The following ANGPT1 variants were observed in gnomAD, a reference collection of about 807,000 sequenced individuals.
The protein encoded by ANGPT1 is angiopoietin 1.
ANGPT1 carries 17 observed loss-of-function variants against 62.2 expected under a neutral mutation model. The ratio of observed to expected loss-of-function variants is 0.27; its 90% CI spans 0.19 to 0.41. The LOEUF (loss-of-function observed/expected upper bound fraction) is 0.41, where lower values mean the gene tolerates loss of function less well. Ranked by LOEUF, ANGPT1 falls within the 10% of genes least tolerant of loss-of-function variation. The probability of loss-of-function intolerance (pLI) is 1.00; values close to 1 mark genes in which losing one functional copy is unlikely to be tolerated. For missense variants in ANGPT1, 478 were observed against 594.9 expected (o/e 0.80, Z 2.04); for synonymous variants, 199 against 198.9 (o/e 1.00, Z 0.00).
Position 107,464,837 on chromosome 8 carries a change from C to T in ANGPT1, c.297+32425G>A, listed in dbSNP as rs146058153. On this transcript the variant is annotated intron_variant, in intron 1 of 8. Coordinates refer to ENST00000517746, the MANE Select transcript of ANGPT1 (RefSeq NM_001146.5). ...GAAGAGTCAGACAGGAAATCAAGCA[C>T]AGTGTGGTAAGTGTGTTGATGGTGG... 3.7e-3 allele frequency among the ~76,000 whole-genome samples: 564 copies of T among 152,044 alleles called. 9 individuals are homozygous for T. The highest frequency in any genetic ancestry group is 0.013 in the African/African-American group (532 of 41,506).
chr8:107,293,885 G>T, intron 6 of ANGPT1, 51 bp downstream of exon 6: 1 of 1,444,836 alleles, frequency 6.9e-7, no homozygotes, highest in Non-Finnish European at 9.6e-7. Flanking sequence ...GTATGGAGAA[G>T]ATAACTTCAA....
intron 3 of ANGPT1, among the ~76,000 whole-genome samples, chr8:107,333,381 G>A (rs1201029805): frequency 6.6e-6 from 1 of 152,150 alleles, no homozygotes; most frequent in Admixed American, 6.5e-5. Flanking sequence ...AAAAGAAAGA[G>A]ATGTGGAATG....
intron 1 of ANGPT1, among the ~76,000 whole-genome samples, chr8:107,373,358 T>C (rs917528079): frequency 6.6e-6 from 1 of 152,072 alleles, no homozygotes; most frequent in Non-Finnish European, 1.5e-5. Flanking sequence ...TTTTTACCAA[T>C]GGGTTTCTAA....
At chr8:107,391,909 C>T (rs1167287297) in intron 1 of ANGPT1, among the ~76,000 whole-genome samples, 6 of 152,112 alleles carry the variant, frequency 3.9e-5, no homozygotes, top group Non-Finnish European at 7.3e-5. Flanking sequence ...ACCACAGCTA[C>T]AATATCACTA....
intron 7 of ANGPT1, among the ~76,000 whole-genome samples, chr8:107,277,380 TAC>T (rs1813891300): frequency 6.6e-6 from 1 of 152,186 alleles, no homozygotes; most frequent in African/African-American, 2.4e-5. Flanking sequence ...TTAAAAATAG[TAC>T]AGTGAAATTT....
intron 1 of ANGPT1, among the ~76,000 whole-genome samples, chr8:107,407,225 C>G (rs1262432877): frequency 6.6e-6 from 1 of 151,270 alleles, no homozygotes; most frequent in East Asian, 1.9e-4. Context: ...TAAAAACACT[C>G]TGATGGAGAG....
chr8:107,282,915 C>T (rs1026161785), intron 7 of ANGPT1, among the ~76,000 whole-genome samples: 19 of 152,018 alleles, frequency 1.2e-4, no homozygotes, highest in African/African-American at 4.3e-4. Flanking sequence ...CTCCGAAGTG[C>T]ACCACAGATG....
chr8:107,494,271 C>T (rs575833517), intron 1 of ANGPT1, among the ~76,000 whole-genome samples: 5 of 152,188 alleles, frequency 3.3e-5, no homozygotes, highest in Admixed American at 2.6e-4. Flanking sequence ...AACAATAGTT[C>T]ACAAAGTACA....
intron 2 of ANGPT1, among the ~76,000 whole-genome samples, chr8:107,341,664 C>T (rs1815698727): frequency 6.8e-6 from 1 of 148,112 alleles, no homozygotes. Context: ...ATAATATAAC[C>T]CTATATTATA....
intron 1 of ANGPT1, among the ~76,000 whole-genome samples, chr8:107,359,790 T>C (rs1344067824): frequency 6.6e-6 from 1 of 152,208 alleles, no homozygotes; most frequent in Non-Finnish European, 1.5e-5. Context: ...AACACTGAAC[T>C]GTTAATAGTG....
At position 107,315,000 on chromosome 8, in the gene ANGPT1, T is replaced by G. The variant is rs1487070216; in HGVS notation, c.808+6896A>C. 5.9e-5 allele frequency among the ~76,000 whole-genome samples: 9 copies of G among 152,236 alleles called. No individual in the cohort carries two copies. The East Asian group carries it at 1.7e-3, about 29-fold the overall frequency. ...AACAGACACAACATGGGAGGTAAAT[T>G]CCTTTCAGATGGTAGAATTATTCTG... On this transcript the variant is annotated intron_variant, in intron 4 of 8. Coordinates refer to ENST00000517746, the MANE Select transcript of ANGPT1 (RefSeq NM_001146.5).
chr8:107,457,841 CACACACACACACACACACACACACA>C (rs1811960222), intron 1 of ANGPT1, among the ~76,000 whole-genome samples: 7 of 148,562 alleles, frequency 4.7e-5, no homozygotes, highest in African/African-American at 1.5e-4. Context: ...CACACACACA[CACACACACACACACACACACACACA>C]CCAAGAGGGG....
intron 1 of ANGPT1, among the ~76,000 whole-genome samples, chr8:107,431,177 T>G (rs1811176627): frequency 6.6e-6 from 1 of 152,256 alleles, no homozygotes; most frequent in Non-Finnish European, 1.5e-5. Context: ...AGACAGTGTG[T>G]GTGTGTTTAG....
intron 3 of ANGPT1, among the ~76,000 whole-genome samples, chr8:107,325,713 G>A (rs1327207960): frequency 6.6e-6 from 1 of 152,092 alleles, no homozygotes; most frequent in African/African-American, 2.4e-5. Context: ...AAATGAAAAT[G>A]CAGAAGCTAA....
chr8:107,249,899 C>T lies in ANGPT1; in HGVS notation c.*1956G>A, dbSNP rs1458157685. 6.6e-6 allele frequency: 1 copy of T among 151,878 alleles called. No homozygotes were observed. Among genetic ancestry groups the T allele is most frequent in the Non-Finnish European group, 1.5e-5 (1 of 67,854 alleles). 9.4% of individuals were successfully genotyped at this position (151,878 alleles called of 1,614,324 possible). On this transcript the variant is annotated 3_prime_UTR_variant, in exon 9 of 9. Coordinates refer to ENST00000517746, the MANE Select transcript of ANGPT1 (RefSeq NM_001146.5). ...TCATTTTCTTTCCCTTAAATGAAAACAGTTGAGAAGTTTTTAGAAGGAGAG... is the reference window on the plus strand; with the variant it reads ...TCATTTTCTTTCCCTTAAATGAAAATAGTTGAGAAGTTTTTAGAAGGAGAG...
chr8:107,439,320 C>T (rs34398341), intron 1 of ANGPT1, among the ~76,000 whole-genome samples: 2,112 of 152,216 alleles, frequency 0.014, 34 homozygotes, highest in South Asian at 0.037. Context: ...ATCTGTAAAA[C>T]GGAGATAATA....
chr8:107,324,484 G>A (rs1308054201), intron 3 of ANGPT1, among the ~76,000 whole-genome samples: 1 of 152,108 alleles, frequency 6.6e-6, no homozygotes, highest in Non-Finnish European at 1.5e-5. Flanking sequence ...GAGAGGCCTG[G>A]AACCGAGTCT....
intron 1 of ANGPT1, among the ~76,000 whole-genome samples, chr8:107,409,685 A>G (rs1817222457): frequency 6.6e-6 from 1 of 151,214 alleles, no homozygotes; most frequent in Admixed American, 6.6e-5. Flanking sequence ...ATATATTTGC[A>G]TTTTAATTAT....
At chr8:107,469,757 CT>C (rs939334134) in intron 1 of ANGPT1, among the ~76,000 whole-genome samples, 2 of 151,962 alleles carry the variant, frequency 1.3e-5, no homozygotes. Flanking sequence ...GCAATACATG[CT>C]TTTTTTGTAA....
Sources: allele counts gnomAD v4.1 joint callset (sites outside exome capture counted in the v4.1 genomes callset), GRCh38; gene constraint gnomAD v4.1.1; transcripts MANE v1.5; gene names NCBI Gene and HGNC (gene_info 2026-07-23, HGNC 2026-07-21).